VWA2: variants seen among roughly 807,000 people sequenced by gnomAD.
The protein encoded by VWA2 is von Willebrand factor A domain-containing protein 2.
Under a neutral mutation model 70.4 loss-of-function variants are expected in VWA2, and 73 were observed. The ratio of observed to expected loss-of-function variants is 1.04; its 90% CI spans 0.86 to 1.26. The LOEUF (loss-of-function observed/expected upper bound fraction) is 1.26, where lower values mean the gene tolerates loss of function less well. VWA2 is among the 50% of genes most tolerant of loss of function. VWA2 has a pLI of 0.00. For missense variants in VWA2, 1,011 were observed against 998.5 expected (o/e 1.01, Z -0.17); for synonymous variants, 407 against 423.3 (o/e 0.96, Z 0.47).
chr10:114,281,454 T>G (rs1284099464), intron 8 of VWA2, among the ~76,000 whole-genome samples: 3 of 152,190 alleles, frequency 2.0e-5, no homozygotes, highest in Non-Finnish European at 4.4e-5. Flanking sequence ...GGGCCCTAAG[T>G]GAGCCCTCAG....
chr10:114,267,598 ATT>A (rs1227410084), intron 5 of VWA2, among the ~76,000 whole-genome samples: 9 of 136,684 alleles, frequency 6.6e-5, no homozygotes, highest in Admixed American at 2.2e-4. Flanking sequence ...CACCTGGCTA[ATT>A]TTTTTTTTTT....
chr10:114,274,470 ATGTTTGT>A (rs1589761792), intron 6 of VWA2, among the ~76,000 whole-genome samples: 1 of 152,070 alleles, frequency 6.6e-6, no homozygotes, highest in Admixed American at 6.6e-5. Flanking sequence ...GACTTAGGAT[ATGTTTGT>A]TGTTTGTTGT....
Position 114,292,074 on chromosome 10 carries a change from T to G in VWA2, c.*837T>G, listed in dbSNP as rs2039653334. 6.6e-6 allele frequency among the ~76,000 whole-genome samples: 1 copy of G among 152,070 alleles called. No homozygotes were observed. ...GGTGGATCACCCGAGGTCAGGAGTT[T>G]GAGACCAGCCTGGCCAACGTGGTGA... On this transcript the variant is annotated 3_prime_UTR_variant, in exon 14 of 14. Transcript: ENST00000392982.
chr10:114,240,359 A>G (rs752713223), intron 1 of VWA2, among the ~76,000 whole-genome samples: 7 of 152,086 alleles, frequency 4.6e-5, no homozygotes, highest in Admixed American at 3.9e-4. Context: ...AACCTTGAAA[A>G]CTTGCTGGGG....
intron 5 of VWA2, among the ~76,000 whole-genome samples, chr10:114,267,429 AATTATT>A (rs1451099220): frequency 2.2e-5 from 3 of 138,314 alleles, no homozygotes; most frequent in African/African-American, 8.2e-5. Flanking sequence ...TTTTCTTATG[AATTATT>A]ATTATTGTTA....
chr10:114,262,684 T>C (rs1204126548), intron 5 of VWA2, among the ~76,000 whole-genome samples: 1 of 152,218 alleles, frequency 6.6e-6, no homozygotes, highest in East Asian at 1.9e-4. Context: ...CTGGGAGCCC[T>C]GCAGGCCTCA....
intron 6 of VWA2, among the ~76,000 whole-genome samples, chr10:114,277,288 G>A (rs543526643): frequency 6.9e-6 from 1 of 145,834 alleles, no homozygotes; most frequent in East Asian, 2.0e-4. Context: ...GGTTCAAGTG[G>A]CTCTCCTGTC....
chr10:114,246,439 A>C, intron 1 of VWA2: 1 of 608,124 alleles, frequency 1.6e-6, no homozygotes, highest in Non-Finnish European at 2.9e-6. Flanking sequence ...AGGCAGAGGT[A>C]GCAGTGAGCC....
intron 6 of VWA2, 56 bp from the exon 7 acceptor site, chr10:114,277,858 G>A (rs1203348439): frequency 1.9e-6 from 3 of 1,541,788 alleles, no homozygotes; most frequent in African/African-American, 2.7e-5. Flanking sequence ...TAGAAGATGA[G>A]GGGGCAGGAG....
At position 114,246,144 on chromosome 10, in the gene VWA2, AT is replaced by A. The variant is rs2037062629; in HGVS notation, c.-10-2559del. 11 of 1,066,002 alleles carry A rather than the reference AT, an allele frequency of 1.0e-5. No individual in the cohort carries two copies. In the South Asian group the frequency reaches 1.4e-4, roughly 13 times the overall value. The allele number at this position is 1,066,002 out of a possible 1,614,324, so 66.0% of individuals were successfully genotyped here. The stretch of plus-strand genomic sequence containing the variant: ...CTCTGGAGCCTTGGTGTTCTTTGCT[AT>A]GAATTTTTAGTTGGGAAGCCTCCTT... On this transcript the variant is annotated intron_variant, in intron 1 of 13. Transcript: ENST00000392982.
At chr10:114,275,713 A>C (rs1015806041) in intron 6 of VWA2, among the ~76,000 whole-genome samples, 1 of 152,160 alleles carries the variant, frequency 6.6e-6, no homozygotes, top group Admixed American at 6.5e-5. Context: ...GGATTACTTG[A>C]GGTCAGGAGT....
intron 5 of VWA2, among the ~76,000 whole-genome samples, chr10:114,267,223 T>G (rs981715384): frequency 6.6e-6 from 1 of 151,970 alleles, no homozygotes; most frequent in Non-Finnish European, 1.5e-5. Flanking sequence ...CAAGTGATTC[T>G]CCTGCCTCAG....
intron 11 of VWA2, among the ~76,000 whole-genome samples, chr10:114,288,444 A>C (rs11196683): frequency 0.2 from 30,898 of 152,240 alleles, 3,272 homozygotes; most frequent in South Asian, 0.28. Flanking sequence ...GGCACAGGTG[A>C]AGATGTTGTC....
intron 1 of VWA2, among the ~76,000 whole-genome samples, chr10:114,242,672 C>T (rs1363455100): frequency 7.7e-5 from 2 of 26,092 alleles, no homozygotes; most frequent in East Asian, 2.4e-3. Context: ...AAGTCCTGGG[C>T]TGGACTCTAA....
At chr10:114,276,523 G>C (rs2037846240) in intron 6 of VWA2, among the ~76,000 whole-genome samples, 1 of 152,082 alleles carries the variant, frequency 6.6e-6, no homozygotes, top group Non-Finnish European at 1.5e-5. Flanking sequence ...TTTTGAGACA[G>C]GGTCCCGCTC....
At chr10:114,274,479 G>A (rs568976596) in intron 6 of VWA2, among the ~76,000 whole-genome samples, 4 of 152,056 alleles carry the variant, frequency 2.6e-5, no homozygotes, top group African/African-American at 7.2e-5. Context: ...TATGTTTGTT[G>A]TTTGTTGTTG....
chr10:114,290,031 G>A (rs897088444), intron 12 of VWA2: 23 of 493,388 alleles, frequency 4.7e-5, no homozygotes, highest in African/African-American at 2.0e-5. Flanking sequence ...TGTATGGCAC[G>A]TCTGAGCAAT....
intron 10 of VWA2, 31 bp downstream of exon 10, chr10:114,285,001 C>T: frequency 6.6e-7 from 1 of 1,510,658 alleles, no homozygotes; most frequent in Non-Finnish European, 8.9e-7. Context: ...CAAGACTGAC[C>T]ACTGGGGAGC....
chr10:114,283,390 T>TA (rs2038438757), intron 9 of VWA2, among the ~76,000 whole-genome samples: 1 of 147,092 alleles, frequency 6.8e-6, no homozygotes, highest in South Asian at 2.1e-4. Flanking sequence ...AGCGAGCAGT[T>TA]AGACACACAG....
Sources: allele counts gnomAD v4.1 joint callset (sites outside exome capture counted in the v4.1 genomes callset), GRCh38; gene constraint gnomAD v4.1.1; transcripts MANE v1.5; gene names NCBI Gene and HGNC (gene_info 2026-07-23, HGNC 2026-07-21).